Variants in SLC2A13 observed in about 807,000 individuals in gnomAD.
SLC2A13 encodes the protein solute carrier family 2 member 13.
SLC2A13 carries 32 observed loss-of-function variants against 64.4 expected under a neutral mutation model. The ratio of observed to expected loss-of-function variants is 0.50; its 90% CI spans 0.37 to 0.67. The LOEUF (loss-of-function observed/expected upper bound fraction) is 0.67, where lower values mean the gene tolerates loss of function less well. SLC2A13 is among the 30% of genes least tolerant of loss of function. The pLI is 0.00. For missense variants in SLC2A13, 743 were observed against 829.2 expected (o/e 0.90, Z 1.28); for synonymous variants, 338 against 327.1 (o/e 1.03, Z -0.36).
Position 39,847,334 on chromosome 12 carries a change from G to A in SLC2A13, c.1320-17106C>T, listed in dbSNP as rs143202967. On this transcript the variant is annotated intron_variant, in intron 6 of 9. Coordinates refer to ENST00000280871, the MANE Select transcript of SLC2A13 (RefSeq NM_052885.4). ...TTAAGAGAAATGTGATTCCTAACTGGGCACATTGTGGCTCCACCTCCCTCC... is the reference window on the plus strand; with the variant it reads ...TTAAGAGAAATGTGATTCCTAACTGAGCACATTGTGGCTCCACCTCCCTCC... Among the ~76,000 whole-genome samples the A allele has an allele frequency of 1.3e-3, 195 of 152,072 alleles. 1 individual carries two copies. The highest frequency in any genetic ancestry group is 1.5e-3 in the Non-Finnish European group (104 of 67,994).
chr12:40,011,047 A>G (rs1228601814), intron 3 of SLC2A13, among the ~76,000 whole-genome samples: 1 of 152,166 alleles, frequency 6.6e-6, no homozygotes, highest in Admixed American at 6.5e-5. Context: ...TTCAGTCTTC[A>G]TGTGGTAAAA....
chr12:40,022,578 T>G (rs1947737276), intron 3 of SLC2A13, among the ~76,000 whole-genome samples: 1 of 152,244 alleles, frequency 6.6e-6, no homozygotes, highest in South Asian at 2.1e-4. Context: ...GGCTCATGCC[T>G]GTAATCTTAG....
chr12:40,031,844 G>C (rs1454722144), intron 2 of SLC2A13, among the ~76,000 whole-genome samples: 1 of 152,196 alleles, frequency 6.6e-6, no homozygotes, highest in Non-Finnish European at 1.5e-5. Context: ...GACAAAAAGA[G>C]AAGGCTCTTC....
intron 6 of SLC2A13, among the ~76,000 whole-genome samples, chr12:39,839,126 C>T (rs2135868661): frequency 6.6e-6 from 1 of 152,214 alleles, no homozygotes; most frequent in Non-Finnish European, 1.5e-5. Context: ...TCTACTATCC[C>T]CTTCCTCACT....
At chr12:40,058,083 A>T (rs1382386456) in intron 1 of SLC2A13, among the ~76,000 whole-genome samples, 2 of 147,564 alleles carry the variant, frequency 1.4e-5, no homozygotes, top group Admixed American at 1.3e-4. Context: ...ATAGATAGAT[A>T]GATAGATTGA....
chr12:40,096,146 GTC>G (rs1402766651), intron 1 of SLC2A13, among the ~76,000 whole-genome samples: 1 of 151,242 alleles, frequency 6.6e-6, no homozygotes, highest in Non-Finnish European at 1.5e-5. Flanking sequence ...AGCCAGGATG[GTC>G]TCGATCTCCT....
At chr12:39,979,940 T>A (rs1186662866) in intron 3 of SLC2A13, among the ~76,000 whole-genome samples, 3 of 144,238 alleles carry the variant, frequency 2.1e-5, no homozygotes, top group Non-Finnish European at 4.6e-5. Context: ...CGGGTTACCC[T>A]CAAAGGGAAG....
intron 7 of SLC2A13, among the ~76,000 whole-genome samples, chr12:39,814,093 C>T (rs555126581): frequency 1.3e-5 from 2 of 152,206 alleles, no homozygotes; most frequent in African/African-American, 2.4e-5. Flanking sequence ...TCACTTTTGC[C>T]CATACTCTTT....
intron 6 of SLC2A13, chr12:39,830,449 C>G (rs1473096370): frequency 8.8e-6 from 11 of 1,255,794 alleles, no homozygotes; most frequent in Non-Finnish European, 1.1e-5. Context: ...TTGGAAGTCA[C>G]TTTGAGCTGA....
intron 7 of SLC2A13, among the ~76,000 whole-genome samples, chr12:39,815,302 A>G (rs1942309163): frequency 6.6e-6 from 1 of 152,238 alleles, no homozygotes. Flanking sequence ...TGTGAGCTGT[A>G]CTGGATATGG....
chr12:39,858,226 G>A (rs561559421), intron 6 of SLC2A13, among the ~76,000 whole-genome samples: 1 of 152,108 alleles, frequency 6.6e-6, no homozygotes, highest in Non-Finnish European at 1.5e-5. Flanking sequence ...TGGCAATAAG[G>A]TCACAGGATG....
intron 3 of SLC2A13, among the ~76,000 whole-genome samples, chr12:39,977,490 T>C (rs1946785216): frequency 6.6e-6 from 1 of 152,240 alleles, no homozygotes; most frequent in Non-Finnish European, 1.5e-5. Flanking sequence ...AGAGGCACAG[T>C]CTTTTTCTCA....
At chr12:39,784,175 A>T (rs891897408) in intron 7 of SLC2A13, among the ~76,000 whole-genome samples, 1 of 152,194 alleles carries the variant, frequency 6.6e-6, no homozygotes, top group African/African-American at 2.4e-5. Context: ...ATTCAATGCC[A>T]TCCCCATCAA....
In SLC2A13 at chr12:39,797,727, A is replaced by AAC. The variant is rs1555237479; in HGVS notation, c.1445+32374_1445+32375dup. 5.5e-3 allele frequency among the ~76,000 whole-genome samples: 460 copies of AAC among 84,056 alleles called. 3 individuals are homozygous for AAC. Among genetic ancestry groups the AAC allele is most frequent in the South Asian group, 0.019 (38 of 2,010 alleles). The allele number at this position is 84,056 out of a possible 152,430, so 55.1% of individuals were successfully genotyped here. A position where few individuals can be genotyped will look rare whatever the true frequency, so the allele number is the denominator to read the frequency against. ...TACATGTTATAAGCCAGTTATGGTA[A>AAC]ACACACACACACACACACACACACA... On this transcript the variant is annotated intron_variant, in intron 7 of 9. Coordinates refer to ENST00000280871, the MANE Select transcript of SLC2A13 (RefSeq NM_052885.4).
intron 7 of SLC2A13, among the ~76,000 whole-genome samples, chr12:39,770,579 A>G (rs1940526439): frequency 6.6e-6 from 1 of 152,166 alleles, no homozygotes; most frequent in Admixed American, 6.5e-5. Context: ...GAGATCGGGG[A>G]AAGAACTGTA....
At chr12:39,930,180 T>C (rs947574594) in intron 4 of SLC2A13, among the ~76,000 whole-genome samples, 18 of 150,170 alleles carry the variant, frequency 1.2e-4, no homozygotes, top group Non-Finnish European at 2.2e-4. Context: ...ACCTACTTAC[T>C]ACTATAGGAG....
At chr12:39,994,020 G>A (rs902427928) in intron 3 of SLC2A13, among the ~76,000 whole-genome samples, 5 of 152,142 alleles carry the variant, frequency 3.3e-5, no homozygotes, top group African/African-American at 9.7e-5. Context: ...GAAATAAAAT[G>A]TAATAACTGT....
At chr12:40,003,019 G>C (rs1947345738) in intron 3 of SLC2A13, among the ~76,000 whole-genome samples, 1 of 152,164 alleles carries the variant, frequency 6.6e-6, no homozygotes, top group Non-Finnish European at 1.5e-5. Context: ...TTGGTCACTG[G>C]CTCAGTGCCC....
intron 1 of SLC2A13, among the ~76,000 whole-genome samples, chr12:40,084,134 TGAAGTACACATC>T (rs1311467154): frequency 6.6e-6 from 1 of 152,218 alleles, no homozygotes; most frequent in Non-Finnish European, 1.5e-5. Flanking sequence ...TAATAAAAGA[TGAAGTACACATC>T]TGGCAGGGTA....
Sources: allele counts gnomAD v4.1 joint callset (sites outside exome capture counted in the v4.1 genomes callset), GRCh38; gene constraint gnomAD v4.1.1; transcripts MANE v1.5; gene names NCBI Gene and HGNC (gene_info 2026-07-23, HGNC 2026-07-21).